PALLD: variants seen among roughly 807,000 people sequenced by gnomAD.
The protein encoded by PALLD is palladin.
PALLD carries 61 observed loss-of-function variants against 123.5 expected under a neutral mutation model. The observed-to-expected ratio is 0.49, with a 90% confidence interval of 0.40 to 0.61. The LOEUF is 0.61. Ranked by LOEUF, PALLD falls within the 20% of genes least tolerant of loss-of-function variation. PALLD has a pLI of 0.00. For synonymous variants in PALLD, 465 were observed against 496.4 expected, an observed-to-expected ratio of 0.94 and a Z score of 0.84; for missense variants, 1,273 against 1,377.0, an observed-to-expected ratio of 0.92 and a Z score of 1.20.
At chr4:168,772,191 AACGACT>A (rs1251669427) in intron 10 of PALLD, among the ~76,000 whole-genome samples, 1 of 152,130 alleles carries the variant, frequency 6.6e-6, no homozygotes, top group Non-Finnish European at 1.5e-5. Flanking sequence ...ACTTTCTTAA[AACGACT>A]AGAGGGAGCA....
chr4:168,720,939 C>G (rs559217330), intron 10 of PALLD, among the ~76,000 whole-genome samples: 1 of 152,264 alleles, frequency 6.6e-6, no homozygotes, highest in African/African-American at 2.4e-5. Context: ...GTGCCACATT[C>G]TTAGATATTA....
rs1457037554 is a variant in PALLD at position 168,898,612 on chromosome 4, T to C, written c.2370T>C (p.Asn790=). Residue 790 remains asparagine (N), a synonymous_variant, in exon 14 of 22, where the codon AAT becomes AAC. Transcript: ENST00000505667. ...AGTATGGAGATGTGCCTGTGGAAAATGGAATGGCACCATTCTTTGAGATGA... is the reference window on the plus strand; with the variant it reads ...AGTATGGAGATGTGCCTGTGGAAAACGGAATGGCACCATTCTTTGAGATGA... The part of the protein sequence containing the change: ...EVQYGDVPVE[N]GMAPFFEMKL... 8 of 1,613,942 alleles carry C rather than the reference T, an allele frequency of 5.0e-6. No homozygotes were observed. Among genetic ancestry groups the C allele is most frequent in the Admixed American group, 1.7e-5 (1 of 60,002 alleles).
chr4:168,497,224 T>A (rs1760835724), intron 1 of PALLD, 30 bp downstream of exon 1: 1 of 150,228 alleles, frequency 6.7e-6, no homozygotes, highest in Admixed American at 6.7e-5. Context: ...ATATACTAAC[T>A]AGTAGGGCAA....
At chr4:168,810,680 C>G (rs576539217) in intron 10 of PALLD, among the ~76,000 whole-genome samples, 41 of 151,690 alleles carry the variant, frequency 2.7e-4, no homozygotes, top group African/African-American at 9.7e-4. Flanking sequence ...TGGTGGCTCA[C>G]GCCTGTAGTC....
At chr4:168,870,551 A>G (rs2151078305) in intron 10 of PALLD, among the ~76,000 whole-genome samples, 1 of 152,330 alleles carries the variant, frequency 6.6e-6, no homozygotes, top group East Asian at 1.9e-4. Context: ...CAGCATATGC[A>G]TAAGGTTAAT....
At chr4:168,674,206 C>A (rs1780604821) in intron 3 of PALLD, among the ~76,000 whole-genome samples, 1 of 152,176 alleles carries the variant, frequency 6.6e-6, no homozygotes, top group Non-Finnish European at 1.5e-5. Flanking sequence ...TGAGCCACTG[C>A]GTCCAGCCTG....
At chr4:168,531,692 T>C (rs1384681283) in intron 2 of PALLD, among the ~76,000 whole-genome samples, 1 of 152,152 alleles carries the variant, frequency 6.6e-6, no homozygotes, top group South Asian at 2.1e-4. Flanking sequence ...CTCCCTCACA[T>C]TGATGCTACT....
intron 10 of PALLD, among the ~76,000 whole-genome samples, chr4:168,840,566 T>G (rs1745893757): frequency 6.6e-6 from 1 of 152,204 alleles, no homozygotes; most frequent in African/African-American, 2.4e-5. Context: ...ACCAGAGGTG[T>G]GAAGCTGCCA....
At chr4:168,734,258 A>G (rs916665361) in intron 10 of PALLD, among the ~76,000 whole-genome samples, 2 of 152,050 alleles carry the variant, frequency 1.3e-5, no homozygotes, top group African/African-American at 2.4e-5. Context: ...AAATAACGGT[A>G]TAAGTCCTGG....
At chr4:168,876,008 C>G (rs1488788260) in intron 10 of PALLD, among the ~76,000 whole-genome samples, 3 of 152,204 alleles carry the variant, frequency 2.0e-5, no homozygotes, top group Non-Finnish European at 4.4e-5. Flanking sequence ...TGGCTTTGGC[C>G]ATTGTGAGCC....
Position 168,717,973 on chromosome 4 carries a change from A to G in PALLD, c.1964+6050A>G, listed in dbSNP as rs148357540. On this transcript the variant is annotated intron_variant, in intron 10 of 21. Coordinates refer to ENST00000505667, the MANE Select transcript of PALLD (RefSeq NM_001166108.2). ...TTTCACTCTCTAGTACATACTTGCA[A>G]TGTCAGTTGGCCACAGTGCAATCAC... Among the ~76,000 whole-genome samples, 16 of 152,280 alleles carry G rather than the reference A, an allele frequency of 1.1e-4. No homozygotes were observed. In the East Asian group the frequency reaches 2.9e-3, roughly 28 times the overall value.
chr4:168,650,439 A>C (rs1304251417), intron 2 of PALLD, among the ~76,000 whole-genome samples: 1 of 152,146 alleles, frequency 6.6e-6, no homozygotes, highest in Non-Finnish European at 1.5e-5. Context: ...TAAAGATTGC[A>C]TAGTATTTCA....
intron 3 of PALLD, among the ~76,000 whole-genome samples, chr4:168,671,413 C>T (rs936858769): frequency 5.9e-5 from 9 of 152,160 alleles, no homozygotes; most frequent in Admixed American, 6.5e-5. Context: ...TCTTCCAGTG[C>T]CCAGCTTTCC....
intron 2 of PALLD, among the ~76,000 whole-genome samples, chr4:168,569,259 ATTGT>A (rs1192930655): frequency 6.6e-6 from 1 of 152,096 alleles, no homozygotes; most frequent in Non-Finnish European, 1.5e-5. Flanking sequence ...TGGAGCAAAT[ATTGT>A]TCCAGCCCGC....
intron 15 of PALLD, 164 bp downstream of exon 15, chr4:168,904,070 C>A (rs1757112389): frequency 2.9e-6 from 2 of 684,784 alleles, no homozygotes; most frequent in South Asian, 1.7e-5. Context: ...TAGAAAAATT[C>A]TTTGTTTCAT....
intron 10 of PALLD, among the ~76,000 whole-genome samples, chr4:168,760,394 G>A (rs1339536911): frequency 6.6e-6 from 1 of 151,996 alleles, no homozygotes; most frequent in South Asian, 2.1e-4. Context: ...CTCCGGGCTC[G>A]GTGACCTACT....
chr4:168,694,489 T>C (rs1487030706), intron 8 of PALLD, among the ~76,000 whole-genome samples: 2 of 152,086 alleles, frequency 1.3e-5, no homozygotes, highest in Admixed American at 6.6e-5. Flanking sequence ...CCTCTCTTCC[T>C]CTTTCTCCAT....
intron 2 of PALLD, among the ~76,000 whole-genome samples, chr4:168,569,636 G>A (rs1295496931): frequency 6.6e-6 from 1 of 152,094 alleles, no homozygotes; most frequent in Non-Finnish European, 1.5e-5. Context: ...AGATCTCTAA[G>A]ATAACTAAAA....
chr4:168,762,231 T>C (rs547892130), intron 10 of PALLD, among the ~76,000 whole-genome samples: 43 of 152,142 alleles, frequency 2.8e-4, no homozygotes, highest in Non-Finnish European at 5.9e-4. Flanking sequence ...CTCAGCACTT[T>C]GGGAGCCAAT....
Sources: allele counts gnomAD v4.1 joint callset (sites outside exome capture counted in the v4.1 genomes callset), GRCh38; gene constraint gnomAD v4.1.1; transcripts MANE v1.5; gene names NCBI Gene and HGNC (gene_info 2026-07-23, HGNC 2026-07-21).